Variants in MGST1 observed in about 807,000 individuals in gnomAD.
MGST1 encodes glutathione S-transferase 12.
MGST1 carries 5 observed loss-of-function variants against 8.9 expected under a neutral mutation model. The ratio of observed to expected loss-of-function variants is 0.56; its 90% CI spans 0.29 to 1.19. The LOEUF (loss-of-function observed/expected upper bound fraction) is 1.19, where lower values mean the gene tolerates loss of function less well. Among genes scored for constraint, MGST1 ranks in the 50% most tolerant of loss-of-function variants. The pLI, the probability that MGST1 is intolerant of heterozygous loss-of-function variation, is 0.08. For synonymous variants in MGST1, 54 were observed against 67.8 expected (o/e 0.80, Z 1.00); for missense variants, 182 against 187.4 (o/e 0.97, Z 0.17).
At position 16,497,257 on chromosome 12, in the gene MGST1, A is replaced by G. The variant is rs767667971; in HGVS notation, n.483-92271A>G. Among the ~76,000 whole-genome samples the G allele has an allele frequency of 2.2e-4, 33 of 152,170 alleles. No individual in the cohort carries two copies. Among genetic ancestry groups the G allele is most frequent in the Non-Finnish European group, 4.1e-4 (28 of 68,020 alleles). On this transcript the variant is annotated intron_variant and non_coding_transcript_variant, in intron 4 of 4. Coordinates refer to the MGST1 transcript ENST00000538857. The surrounding 1 kb of genome is among the most constrained non-coding windows in gnomAD (Gnocchi z 4.4). ...TCCTTTGTTTAACCAAAAATAAGAA[A>G]CAGAAATTGACAGGCATTGAGAGAA...
downstream of MGST1, among the ~76,000 whole-genome samples, chr12:16,440,737 T>C (rs186928576): frequency 6.6e-6 from 1 of 152,000 alleles, no homozygotes; most frequent in Admixed American, 6.6e-5. Flanking sequence ...GTGGACTTTA[T>C]ATTATTTTTT....
Position 16,586,793 on chromosome 12 carries a change from C to A in MGST1, n.483-2735C>A, listed in dbSNP as rs1224708903. ...ATTATTTATTGCATTACTTTTGTAA[C>A]CTTTCTCCCAAAGGAACATGTAAGC... On this transcript the variant is annotated intron_variant and non_coding_transcript_variant, in intron 4 of 4. Coordinates refer to the MGST1 transcript ENST00000538857. This position sits in a 1 kb window ranked among gnomAD's most constrained non-coding sequence, Gnocchi z 4.3. Among the ~76,000 whole-genome samples the A allele has an allele frequency of 6.6e-6, 1 of 152,144 alleles. No individual in the cohort carries two copies. The highest frequency in any genetic ancestry group is 2.4e-5 in the African/African-American group (1 of 41,442).
At chr12:16,465,780 C>G (rs1350583136) in intron 4 of MGST1, among the ~76,000 whole-genome samples, 1 of 152,114 alleles carries the variant, frequency 6.6e-6, no homozygotes, top group African/African-American at 2.4e-5. Context: ...CTCCTTCCCC[C>G]ACCCCAATCT....
intron 1 of MGST1, among the ~76,000 whole-genome samples, chr12:16,394,732 G>A (rs1940590215): frequency 6.6e-6 from 1 of 152,074 alleles, no homozygotes; most frequent in East Asian, 1.9e-4. Flanking sequence ...AAGTAGCTGG[G>A]ACTATAGGTG....
At chr12:16,430,686 G>C (rs1444739453) in intron 1 of MGST1, among the ~76,000 whole-genome samples, 2 of 152,084 alleles carry the variant, frequency 1.3e-5, no homozygotes, top group Admixed American at 6.6e-5. Context: ...AAAAAGATGT[G>C]CTACCATTCA....
chr12:16,459,565 G>A (rs1352030741), intron 4 of MGST1, among the ~76,000 whole-genome samples: 2 of 152,052 alleles, frequency 1.3e-5, no homozygotes, highest in East Asian at 3.9e-4. Context: ...GGTACACATA[G>A]ACAAATTTTA....
At chr12:16,485,522 T>A (rs1197373567) in intron 4 of MGST1, among the ~76,000 whole-genome samples, 1 of 152,214 alleles carries the variant, frequency 6.6e-6, no homozygotes, top group Non-Finnish European at 1.5e-5. Context: ...TTACCGAATT[T>A]GAGGATTATT....
At chr12:16,512,231 T>C (rs73320891) in intron 4 of MGST1, among the ~76,000 whole-genome samples, 1,802 of 151,482 alleles carry the variant, frequency 0.012, 33 homozygotes, top group African/African-American at 0.041. Context: ...AGGATGTGGG[T>C]ATGGATGGTG....
rs1940659448 is a variant in MGST1 at position 16,401,949 on chromosome 12, C to T, written n.778+18345C>T. 6.2e-7 allele frequency: 1 copy of T among 1,612,080 alleles called. No individual in the cohort carries two copies. Among genetic ancestry groups the T allele is most frequent in the African/African-American group, 1.3e-5 (1 of 74,876 alleles). ...TGCACTGATATCTATTTTGTCAAAG[C>T]CTTCTTTGTTGAGGCAGTCATTCCA... On this transcript the variant is annotated intron_variant and non_coding_transcript_variant, in intron 1 of 1. Coordinates refer to the MGST1 transcript ENST00000359720. This position sits in a 1 kb window ranked among gnomAD's most constrained non-coding sequence, Gnocchi z 4.3.
At chr12:16,399,739 G>A in intron 1 of MGST1, 1 of 1,158,968 alleles carries the variant, frequency 8.6e-7, no homozygotes, top group Non-Finnish European at 1.3e-6. Context: ...TTGAGGGACT[G>A]TACTCCTTCT....
chr12:16,352,685 C>T (rs1939523316), intron 1 of MGST1, among the ~76,000 whole-genome samples: 1 of 152,312 alleles, frequency 6.6e-6, no homozygotes, highest in Non-Finnish European at 1.5e-5. Context: ...CTTCCAATTC[C>T]AGACACAGAT....
At chr12:16,437,066 GA>G (rs1362376090) in intron 1 of MGST1, among the ~76,000 whole-genome samples, 1 of 151,942 alleles carries the variant, frequency 6.6e-6, no homozygotes, top group Admixed American at 6.6e-5. Flanking sequence ...TCCAATTAGA[GA>G]AAGACAAGAT....
chr12:16,441,231 A>G, downstream of MGST1, among the ~76,000 whole-genome samples: 1 of 151,712 alleles, frequency 6.6e-6, no homozygotes, highest in Non-Finnish European at 1.5e-5. Context: ...AGATAAAGAG[A>G]TTTCCCACAT....
At chr12:16,493,909 A>G (rs1294835798) in intron 4 of MGST1, among the ~76,000 whole-genome samples, 1 of 152,158 alleles carries the variant, frequency 6.6e-6, no homozygotes, top group Non-Finnish European at 1.5e-5. Flanking sequence ...TTCAATATCT[A>G]TGTTTAGAAG....
At chr12:16,469,077 C>G (rs1941274269) in intron 4 of MGST1, among the ~76,000 whole-genome samples, 1 of 151,766 alleles carries the variant, frequency 6.6e-6, no homozygotes, top group African/African-American at 2.4e-5. Context: ...TGTGAGAAAA[C>G]AGAGTTCCAT....
chr12:16,530,476 G>A (rs899253706), intron 4 of MGST1, among the ~76,000 whole-genome samples: 1 of 152,002 alleles, frequency 6.6e-6, no homozygotes. Context: ...ACAGATATAG[G>A]AGTTTTATAA....
At chr12:16,451,893 T>C (rs1941132265) in intron 4 of MGST1, among the ~76,000 whole-genome samples, 1 of 151,894 alleles carries the variant, frequency 6.6e-6, no homozygotes, top group African/African-American at 2.4e-5. Context: ...AGGCATGTTT[T>C]CCATCTTAGT....
At chr12:16,442,896 T>C (rs1941050054), downstream of MGST1, among the ~76,000 whole-genome samples, 1 of 151,994 alleles carries the variant, frequency 6.6e-6, no homozygotes, top group East Asian at 1.9e-4. The surrounding 1 kb of genome is among the most constrained non-coding windows in gnomAD (Gnocchi z 4.5). Context: ...ATGTGTCATA[T>C]TGTTCTAATC....
chr12:16,570,985 T>C (rs528559342), intron 4 of MGST1, among the ~76,000 whole-genome samples: 3 of 152,306 alleles, frequency 2.0e-5, no homozygotes, highest in African/African-American at 7.2e-5. Context: ...TATACATATG[T>C]AACTAACCTG....
Sources: allele counts gnomAD v4.1 joint callset (sites outside exome capture counted in the v4.1 genomes callset), GRCh38; gene constraint gnomAD v4.1.1; non-coding constraint Gnocchi (gnomAD v3.1); transcripts MANE v1.5; gene names NCBI Gene and HGNC (gene_info 2026-07-23, HGNC 2026-07-21).